CDH23: variants seen among roughly 807,000 people sequenced by gnomAD.
CDH23 encodes the protein cadherin-23.
CDH23 carries 189 observed loss-of-function variants against 317.1 expected under a neutral mutation model. That is an observed-to-expected ratio of 0.60 (90% CI 0.53 to 0.67). The LOEUF (loss-of-function observed/expected upper bound fraction) is 0.67. Among genes scored for constraint, CDH23 ranks in the 30% least tolerant of loss-of-function variants. The probability of loss-of-function intolerance (pLI) is 0.00; values close to 1 mark genes in which losing one functional copy is unlikely to be tolerated. For synonymous variants in CDH23, 1,839 were observed against 1,876.8 expected (o/e 0.98, Z 0.52); for missense variants, 4,401 against 4,592.4 (o/e 0.96, Z 1.20).
In CDH23 at chr10:71,790,352, C is replaced by T. The variant is rs751701083; in HGVS notation, c.5988C>T (p.Ala1996=). Residue 1996 remains alanine, a synonymous_variant, in exon 46 of 70, where the codon GCC becomes GCT. Transcript: ENST00000224721. ...LALDADQDIY[A]VVTYQLLGAQ... is the part of the protein sequence containing the mutation. ...TGGATGCAGACCAAGACATCTACGC[C>T]GTGGTGACCTACCAGCTGCTGGGTG... 6.8e-6 allele frequency: 11 copies of T among 1,613,828 alleles called. No individual in the cohort carries two copies. Among genetic ancestry groups the T allele is most frequent in the South Asian group, 2.2e-5 (2 of 91,082 alleles).
At chr10:71,562,715 G>A (rs1287184118) in intron 6 of CDH23, among the ~76,000 whole-genome samples, 1 of 152,246 alleles carries the variant, frequency 6.6e-6, no homozygotes, top group Admixed American at 6.5e-5. Flanking sequence ...AGGAGACAAA[G>A]TCAGCGGGGC....
chr10:71,759,192 C>T (rs1387879372), intron 38 of CDH23, among the ~76,000 whole-genome samples: 2 of 152,052 alleles, frequency 1.3e-5, no homozygotes, highest in Non-Finnish European at 2.9e-5. Context: ...CGTGCACCAC[C>T]ATGCCTGGCT....
rs750566818 is a variant in CDH23, at chr10:71,732,020, C to T, written c.3749C>T (p.Ser1250Leu). 6 of 1,613,778 alleles carry T rather than the reference C, an allele frequency of 3.7e-6. No homozygotes were observed. The highest frequency in any genetic ancestry group is 2.2e-5 in the East Asian group (1 of 44,878). ...DGGLVNYRIL[S>L]GAEGKFEIDE... is the part of the protein sequence containing the mutation. The stretch of plus-strand genomic sequence containing the variant: ...GGCCTGGTGAACTACCGCATCCTGT[C>T]GGGCGCAGAGGGGAAGTTTGAGATT... The change falls in exon 32 of 70, where the codon TCG (serine) becomes TTG (leucine). Residue 1250 changes from serine (S) to leucine (L), a missense_variant. Physicochemically the swap from Ser to Leu is moderately radical, Grantham distance 145 (BLOSUM62 -2). This residue lies in a region of CDH23 where 3,068 missense variants were observed against 3,203.3 expected (regional missense o/e 0.96). Coordinates refer to ENST00000224721, the MANE Select transcript of CDH23 (RefSeq NM_022124.6).
At chr10:71,425,421 A>G (rs1849031924) in intron 1 of CDH23, among the ~76,000 whole-genome samples, 1 of 149,432 alleles carries the variant, frequency 6.7e-6, no homozygotes, top group African/African-American at 2.5e-5. Flanking sequence ...GGAGGGAAGG[A>G]AGGGAAGGAA....
intron 10 of CDH23, 123 bp downstream of exon 10, chr10:71,615,739 G>A: frequency 2.9e-6 from 2 of 681,798 alleles, no homozygotes; most frequent in African/African-American, 1.8e-5. Context: ...TCGCTTCCGT[G>A]CTCTCACCCT....
At chr10:71,660,943 C>A (rs1863620787) in intron 14 of CDH23, among the ~76,000 whole-genome samples, 1 of 152,218 alleles carries the variant, frequency 6.6e-6, no homozygotes, top group African/African-American at 2.4e-5. Flanking sequence ...CCAAGCTGCG[C>A]TCCTGTCACG....
intron 7 of CDH23, among the ~76,000 whole-genome samples, chr10:71,570,054 G>A (rs1242998532): frequency 6.6e-6 from 1 of 152,020 alleles, no homozygotes; most frequent in East Asian, 1.9e-4. Flanking sequence ...ATGCATCGTT[G>A]AGGTTTTATA....
At chr10:71,398,428 A>AGT (rs143519061) in intron 1 of CDH23, among the ~76,000 whole-genome samples, 15,863 of 119,968 alleles carry the variant, frequency 0.13, 954 homozygotes, top group East Asian at 0.15. Context: ...GAGACACAGG[A>AGT]GTGTGTGTGT....
intron 28 of CDH23, among the ~76,000 whole-genome samples, chr10:71,722,816 T>C (rs1866619724): frequency 6.6e-6 from 1 of 152,122 alleles, no homozygotes; most frequent in African/African-American, 2.4e-5. Context: ...CAGCACACGC[T>C]TGGTGTTCAA....
At chr10:71,448,750 T>C (rs1323139547) in intron 3 of CDH23, among the ~76,000 whole-genome samples, 1 of 152,100 alleles carries the variant, frequency 6.6e-6, no homozygotes, top group African/African-American at 2.4e-5. Flanking sequence ...CCCAGTTGTT[T>C]CTAGGTTCTC....
At chr10:71,651,001 C>T (rs1425511271) in intron 14 of CDH23, among the ~76,000 whole-genome samples, 1 of 152,108 alleles carries the variant, frequency 6.6e-6, no homozygotes, top group Non-Finnish European at 1.5e-5. Flanking sequence ...GGCACATGGC[C>T]CTGAGGACAC....
At chr10:71,476,004 C>T (rs973589842) in intron 3 of CDH23, among the ~76,000 whole-genome samples, 4 of 152,212 alleles carry the variant, frequency 2.6e-5, no homozygotes, top group African/African-American at 4.8e-5. Flanking sequence ...TTCTGAGGTC[C>T]TTTGTCCTCT....
chr10:71,702,678 G>A lies in CDH23; in HGVS notation c.2717G>A (p.Gly906Glu), dbSNP rs1006715050. 3.1e-5 allele frequency: 50 copies of A among 1,613,698 alleles called. No homozygotes were observed. The highest frequency in any genetic ancestry group is 4.2e-5 in the Non-Finnish European group (50 of 1,179,892). The change falls in exon 24 of 70, where the codon GGG becomes GAG. Residue 906 changes from glycine (G) to glutamate (E), a missense_variant. Around this residue, in one of 3 missense-constraint regions of CDH23, gnomAD observed 3,068 missense variants for 3,203.3 expected, o/e 0.96. Transcript: ENST00000224721. ...GAGGTGCTTGAAGGCATCCCGGCGGGGGTCTCCATCTACCAAGTGAGTCTC... is the reference window on the plus strand; with the variant it reads ...GAGGTGCTTGAAGGCATCCCGGCGGAGGTCTCCATCTACCAAGTGAGTCTC... ...VAEVLEGIPAGVSIYQVVAID... is the reference protein window; with the variant it reads ...VAEVLEGIPAEVSIYQVVAID...
rs986539088 is a variant in CDH23 at position 71,604,968 on chromosome 10, T to G, written c.833-10536T>G. On this transcript the variant is annotated intron_variant, in intron 9 of 69. Coordinates refer to ENST00000224721, the MANE Select transcript of CDH23 (RefSeq NM_022124.6). ...GAGATTAAATCTGGTGAATTGTTGTTAGTAATTGTGGTAACCCAGGGAGAG... is the reference window on the plus strand; with the variant it reads ...GAGATTAAATCTGGTGAATTGTTGTGAGTAATTGTGGTAACCCAGGGAGAG... 2.0e-5 allele frequency among the ~76,000 whole-genome samples: 3 copies of G among 152,208 alleles called. No individual in the cohort carries two copies. The South Asian group carries it at 6.2e-4, about 31-fold the overall frequency.
At chr10:71,724,353 C>T (rs572783522) in intron 29 of CDH23, among the ~76,000 whole-genome samples, 30 of 152,296 alleles carry the variant, frequency 2.0e-4, no homozygotes, top group South Asian at 6.2e-4. Context: ...AGTGCAGTGG[C>T]GTGATCTCGG....
chr10:71,814,633 T>C (rs968569885), intron 69 of CDH23, among the ~76,000 whole-genome samples: 2 of 151,750 alleles, frequency 1.3e-5, no homozygotes, highest in Non-Finnish European at 2.9e-5. Flanking sequence ...CGAGACTCTG[T>C]CTACACACAC....
rs767882153 is a variant in CDH23, at chr10:71,751,800, C to T, written c.4845+9879C>T. ...GACAGGGGGTGCCTGACTTTGGCCT[C>T]GGGTATCCCCTGGGCAGGTGGTGAG... On this transcript the variant is annotated intron_variant, in intron 38 of 69. Transcript: ENST00000224721. The surrounding 1 kb of genome is among the most constrained non-coding windows in gnomAD (Gnocchi z 4.9). 55 of 1,595,264 alleles carry T rather than the reference C, an allele frequency of 3.4e-5. No homozygotes were observed. The highest frequency in any genetic ancestry group is 2.1e-4 in the South Asian group (19 of 89,132).
chr10:71,677,100 G>T (rs938098518), intron 15 of CDH23, among the ~76,000 whole-genome samples: 2 of 152,262 alleles, frequency 1.3e-5, no homozygotes, highest in Admixed American at 1.3e-4. Context: ...GCATTCTGGT[G>T]CAAAACGATC....
At chr10:71,715,843 CT>C (rs1356987605) in intron 28 of CDH23, 1 of 1,294,156 alleles carries the variant, frequency 7.7e-7, no homozygotes, top group African/African-American at 1.5e-5. Flanking sequence ...GCTTGGGCCA[CT>C]GTCTTCCTGC....
Sources: gnomAD v4.1 joint callset for allele counts (sites outside exome capture counted in the v4.1 genomes callset) on GRCh38, gnomAD v4.1.1 for gene constraint, gnomAD v4.1.1 regional missense constraint, Gnocchi (gnomAD v3.1) non-coding constraint, MANE v1.5 for transcripts, NCBI Gene and HGNC (gene_info 2026-07-23, HGNC 2026-07-21) for gene names.